KDM2A: variants seen among roughly 807,000 people sequenced by gnomAD.
KDM2A encodes lysine demethylase 2A, also known as lysine-specific demethylase 2A.
A neutral mutation model predicts 137.3 loss-of-function variants in KDM2A; 3 were observed. The ratio of observed to expected loss-of-function variants is 0.02; its 90% CI spans 0.01 to 0.06. The LOEUF is 0.06. KDM2A is among the 10% of genes least tolerant of loss of function. The pLI is 1.00. For missense variants in KDM2A, 738 were observed against 1,510.6 expected, an observed-to-expected ratio of 0.49 and a Z score of 8.48; for synonymous variants, 512 against 541.5, an observed-to-expected ratio of 0.95 and a Z score of 0.76.
intron 2 of KDM2A, among the ~76,000 whole-genome samples, chr11:67,153,574 A>G (rs1856446152): frequency 6.6e-6 from 1 of 152,226 alleles, no homozygotes; most frequent in African/African-American, 2.4e-5. Context: ...GATGTGGTGC[A>G]GGGTCTCATG....
chr11:67,214,904 A>G (rs973446755), intron 6 of KDM2A, among the ~76,000 whole-genome samples: 23 of 151,956 alleles, frequency 1.5e-4, no homozygotes, highest in Admixed American at 1.4e-3. Context: ...TCTATACTGG[A>G]TTTTTTTCTT....
intron 12 of KDM2A, among the ~76,000 whole-genome samples, chr11:67,241,876 C>T (rs1303949488): frequency 6.6e-6 from 1 of 152,140 alleles, no homozygotes; most frequent in African/African-American, 2.4e-5. Flanking sequence ...CGAGACCAGC[C>T]TGGCCAACAT....
In KDM2A at chr11:67,257,631, A is replaced by T. The variant is rs1859654472; in HGVS notation, c.*2576A>T. 6.6e-6 allele frequency: 1 copy of T among 152,302 alleles called. No homozygotes were observed. The highest frequency in any genetic ancestry group is 2.4e-5 in the African/African-American group (1 of 41,440). The allele number at this position is 152,302 out of a possible 1,614,324, so 9.4% of individuals were successfully genotyped here. A position where few individuals can be genotyped will look rare whatever the true frequency, so the allele number is the denominator to read the frequency against. The stretch of plus-strand genomic sequence containing the variant: ...AAAATCACTTGGTGATTAAAAAAAT[A>T]ACTGCTCCATAAATAAAACTCCTAA... On this transcript the variant is annotated 3_prime_UTR_variant, in exon 21 of 21. Transcript: ENST00000529006.
intron 2 of KDM2A, among the ~76,000 whole-genome samples, chr11:67,126,429 C>T (rs1022490754): frequency 1.3e-5 from 2 of 151,628 alleles, no homozygotes; most frequent in African/African-American, 4.8e-5. Flanking sequence ...GTTTTTTGGC[C>T]GGGTGCGGTT....
rs1007918128 is a variant in KDM2A at position 67,250,075 on chromosome 11, C to T, written c.2056-11C>T. Reference sequence around the variant, plus strand: ...AAGCACTGATGTTGCTTTTCTGGGCCTGTTTTGCAGAAGCGGAAAATGGAA... The same window carrying T: ...AAGCACTGATGTTGCTTTTCTGGGCTTGTTTTGCAGAAGCGGAAAATGGAA... On this transcript the variant is annotated splice_polypyrimidine_tract_variant and intron_variant, in intron 16 of 20. Coordinates refer to ENST00000529006, the MANE Select transcript of KDM2A (RefSeq NM_012308.3). The surrounding 1 kb of genome is among the most constrained non-coding windows in gnomAD (Gnocchi z 7.1). 3.8e-6 allele frequency: 6 copies of T among 1,566,360 alleles called. No individual in the cohort carries two copies. The highest frequency in any genetic ancestry group is 5.2e-6 in the Non-Finnish European group (6 of 1,155,966).
chr11:67,253,218 AG>A lies in KDM2A; in HGVS notation c.2933-233del, dbSNP rs946767286. On this transcript the variant is annotated intron_variant, in intron 18 of 20. Transcript: ENST00000529006. ...CAGCATTTTGAGCTCTTAGAAAGAC[AG>A]GAAGTCACTCCTTCTTGTATTGCTC... Among the ~76,000 whole-genome samples, 15 of 152,254 alleles carry A rather than the reference AG, an allele frequency of 9.9e-5. 1 individual carries two copies. Among genetic ancestry groups the A allele is most frequent in the Non-Finnish European group, 2.1e-4 (14 of 68,044 alleles).
At chr11:67,207,712 A>T (rs1590785903) in intron 6 of KDM2A, 24 bp downstream of exon 6, 3 of 1,542,546 alleles carry the variant, frequency 1.9e-6, no homozygotes, top group Non-Finnish European at 2.6e-6. Context: ...TTTTCTTCAT[A>T]TTGTCATTGT....
At chr11:67,138,947 T>TA (rs1229623208) in intron 2 of KDM2A, among the ~76,000 whole-genome samples, 4 of 152,254 alleles carry the variant, frequency 2.6e-5, no homozygotes, top group African/African-American at 9.6e-5. Flanking sequence ...CTTCACAGCT[T>TA]AAAGTTATTT....
rs1859661021 is a variant in KDM2A, at chr11:67,257,827, T to G, written c.*2772T>G. ...TCTTATGCTATCTCAGTTGACACAT[T>G]GAGGTTATTTTGGGCCAGAGAAGGA... On this transcript the variant is annotated 3_prime_UTR_variant, in exon 21 of 21. Transcript: ENST00000529006. 6.6e-6 allele frequency: 1 copy of G among 152,146 alleles called. No individual in the cohort carries two copies. The highest frequency in any genetic ancestry group is 2.1e-4 in the South Asian group (1 of 4,828). The allele number at this position is 152,146 out of a possible 1,614,324, so 9.4% of individuals were successfully genotyped here. A position where few individuals can be genotyped will look rare whatever the true frequency, so the allele number is the denominator to read the frequency against.
chr11:67,147,180 C>A (rs545213071), intron 2 of KDM2A, among the ~76,000 whole-genome samples: 103 of 152,092 alleles, frequency 6.8e-4, no homozygotes, highest in Middle Eastern at 3.4e-3. Context: ...AGAAATACGC[C>A]TGTTTGTATT....
chr11:67,255,217 G>A lies in KDM2A; in HGVS notation c.*162G>A. On this transcript the variant is annotated 3_prime_UTR_variant, in exon 21 of 21. Transcript: ENST00000529006. ...CTCTACAGGTGGGGCAGAGAGGGTGGTGGACACCAGGCTTATCTGCCTGCT... is the reference window on the plus strand; with the variant it reads ...CTCTACAGGTGGGGCAGAGAGGGTGATGGACACCAGGCTTATCTGCCTGCT... 1.6e-6 allele frequency: 1 copy of A among 639,644 alleles called. No individual in the cohort carries two copies. The highest frequency in any genetic ancestry group is 2.7e-6 in the Non-Finnish European group (1 of 369,960). The allele number at this position is 639,644 out of a possible 1,614,324, so 39.6% of individuals were successfully genotyped here.
chr11:67,135,886 A>G (rs1855960756), intron 2 of KDM2A, among the ~76,000 whole-genome samples: 1 of 152,188 alleles, frequency 6.6e-6, no homozygotes, highest in Non-Finnish European at 1.5e-5. Context: ...CTGTAGAACT[A>G]TGAACTGATG....
intron 5 of KDM2A, among the ~76,000 whole-genome samples, chr11:67,190,010 CAAAG>C (rs1007842133): frequency 7.9e-5 from 12 of 152,208 alleles, no homozygotes; most frequent in East Asian, 1.9e-4. Flanking sequence ...AGAGAAAAGT[CAAAG>C]AAACCAAAAG....
intron 2 of KDM2A, among the ~76,000 whole-genome samples, chr11:67,122,694 G>C (rs1396882975): frequency 2.9e-5 from 4 of 139,250 alleles, no homozygotes; most frequent in African/African-American, 8.0e-5. Flanking sequence ...TTTATTTTTT[G>C]AGACAGAGTC....
At chr11:67,162,378 A>C (rs1160469917) in intron 2 of KDM2A, among the ~76,000 whole-genome samples, 1 of 152,088 alleles carries the variant, frequency 6.6e-6, no homozygotes, top group Non-Finnish European at 1.5e-5. Flanking sequence ...GCAACACAGG[A>C]AAGTAGATAT....
At position 67,254,846 on chromosome 11, in the gene KDM2A, A is replaced by C; in HGVS notation, c.3308-28A>C. On this transcript the variant is annotated intron_variant, in intron 20 of 20. Coordinates refer to ENST00000529006, the MANE Select transcript of KDM2A (RefSeq NM_012308.3). The surrounding 1 kb of genome is among the most constrained non-coding windows in gnomAD (Gnocchi z 4.7). ...AGAGGAAAGCTGTGTGTATGTGAGC[A>C]CTGTCATTATGTCCACTTTCCCGAC... 6.3e-7 allele frequency: 1 copy of C among 1,599,812 alleles called. No individual in the cohort carries two copies. The highest frequency in any genetic ancestry group is 8.6e-7 in the Non-Finnish European group (1 of 1,167,496).
chr11:67,161,594 A>G (rs1170909702), intron 2 of KDM2A, among the ~76,000 whole-genome samples: 2 of 152,188 alleles, frequency 1.3e-5, no homozygotes, highest in African/African-American at 4.8e-5. Flanking sequence ...TGATTTACTC[A>G]AATTTCATTT....
chr11:67,224,730 T>C (rs1372703720), intron 10 of KDM2A, among the ~76,000 whole-genome samples: 2 of 151,348 alleles, frequency 1.3e-5, no homozygotes, highest in Non-Finnish European at 2.9e-5. Context: ...CCTCCCAAAG[T>C]GCTGGGATTG....
At chr11:67,185,501 C>T (rs975465969) in intron 5 of KDM2A, among the ~76,000 whole-genome samples, 1 of 151,846 alleles carries the variant, frequency 6.6e-6, no homozygotes, top group Admixed American at 6.6e-5. Flanking sequence ...TGGTGGTGGG[C>T]CCCTGTAATC....
Sources: allele counts gnomAD v4.1 joint callset (sites outside exome capture counted in the v4.1 genomes callset), GRCh38; gene constraint gnomAD v4.1.1; non-coding constraint Gnocchi (gnomAD v3.1); transcripts MANE v1.5; gene names NCBI Gene and HGNC (gene_info 2026-07-23, HGNC 2026-07-21).